Variants in ZNF628 observed in about 807,000 individuals in gnomAD.
The protein encoded by ZNF628 is zinc finger protein Zec.
A neutral mutation model predicts 2.5 loss-of-function variants in ZNF628; 3 were observed. The ratio of observed to expected loss-of-function variants is 1.19; its 90% CI spans 0.54 to 3.07. The LOEUF is 3.07. ZNF628 is among the 30% of genes most tolerant of loss of function. ZNF628 has a pLI of 0.03. For synonymous variants in ZNF628, 861 were observed against 717.1 expected, an observed-to-expected ratio of 1.20 and a Z score of -3.21; for missense variants, 1,610 against 1,517.1, an observed-to-expected ratio of 1.06 and a Z score of -1.02.
At position 55,479,041 on chromosome 19, in the gene ZNF628, A is replaced by G. The variant is rs552027357; in HGVS notation, c.-77-793A>G. Among the ~76,000 whole-genome samples the G allele has an allele frequency of 2.0e-5, 3 of 152,274 alleles. No individual in the cohort carries two copies. In the East Asian group the frequency reaches 5.8e-4, roughly 29 times the overall value. On this transcript the variant is annotated intron_variant, in intron 1 of 2. Transcript: ENST00000598519. This position sits in a 1 kb window ranked among gnomAD's most constrained non-coding sequence, Gnocchi z 5.1. ...GGAGGCCTGGAGTCATTGTTCATAG[A>G]CAGTGGAGTCCTGAGAGTGGGTGGG...
rs759599920 is a variant in ZNF628 at position 55,483,999 on chromosome 19, G to A, written c.2806G>A (p.Val936Met). 1.6e-4 allele frequency: 250 copies of A among 1,586,394 alleles called. 1 individual carries two copies. The highest frequency in any genetic ancestry group is 2.1e-4 in the Non-Finnish European group (245 of 1,165,144). ...TLQTDEGLQS[V>M]LVLSGADGEQ... ...CCAGACGGACGAGGGCTTGCAGAGC[G>A]TGCTGGTGCTGAGCGGGGCCGATGG... Residue 936 changes from valine to methionine, a missense_variant, in exon 3 of 3, where the codon GTG becomes ATG. Coordinates refer to ENST00000598519, the MANE Select transcript of ZNF628 (RefSeq NM_033113.3).
chr19:55,482,891 C>T lies in ZNF628; in HGVS notation c.1698C>T (p.His566=), dbSNP rs779171454. 4 of 1,607,838 alleles carry T rather than the reference C, an allele frequency of 2.5e-6. No homozygotes were observed. The highest frequency in any genetic ancestry group is 1.7e-4 in the Middle Eastern group (1 of 6,052). The change falls in exon 3 of 3, where the codon CAC becomes CAT. Residue 566 remains histidine (H), a synonymous_variant. Transcript: ENST00000598519. ...HRHVHTGERP[H]ACGVCGKSFA... The stretch of plus-strand genomic sequence containing the variant: ...ACGTGCACACTGGCGAGAGGCCCCA[C>T]GCCTGCGGTGTCTGCGGCAAGAGCT...
In ZNF628 at chr19:55,482,063, G is replaced by C; in HGVS notation, c.870G>C (p.Thr290=). ...TCTTTTTGGCGGCGGCGGAGACCAC[G>C]GTGGAGCTGGTGTACCGCTGCGATG... ...PELFLAAAET[T]VELVYRCDGC... Residue 290 remains threonine (T), a synonymous_variant, in exon 3 of 3, where the codon ACG becomes ACC. Transcript: ENST00000598519. The C allele has an allele frequency of 6.8e-7, 1 of 1,471,362 alleles. No homozygotes were observed. Among genetic ancestry groups the C allele is most frequent in the South Asian group, 1.2e-5 (1 of 81,980 alleles). The allele number at this position is 1,471,362 out of a possible 1,614,324, so 91.1% of individuals were successfully genotyped here. A position where few individuals can be genotyped will look rare whatever the true frequency, so the allele number is the denominator to read the frequency against.
Position 55,476,721 on chromosome 19 carries a change from CCG to C in ZNF628, c.-162_-161del, listed in dbSNP as rs1986552476. On this transcript the variant is annotated 5_prime_UTR_variant, in exon 1 of 3. Transcript: ENST00000598519. ...CCCCTCCCCGGTCCCCACAGCTGCACCGCCGCTGCCGGGGCCCCACCTTCCCG... is the reference window on the plus strand; with the variant it reads ...CCCCTCCCCGGTCCCCACAGCTGCACCCGCTGCCGGGGCCCCACCTTCCCG... The C allele has an allele frequency of 6.6e-6, 1 of 151,928 alleles. No homozygotes were observed. The highest frequency in any genetic ancestry group is 6.5e-5 in the Admixed American group (1 of 15,274). The allele number at this position is 151,928 out of a possible 1,614,324, so 9.4% of individuals were successfully genotyped here. A position where few individuals can be genotyped will look rare whatever the true frequency, so the allele number is the denominator to read the frequency against.
At position 55,483,761 on chromosome 19, in the gene ZNF628, C is replaced by T. The variant is rs767381145; in HGVS notation, c.2568C>T (p.Leu856=). The change falls in exon 3 of 3, where the codon CTC becomes CTT. Residue 856 remains leucine, a synonymous_variant. Coordinates refer to ENST00000598519, the MANE Select transcript of ZNF628 (RefSeq NM_033113.3). ...QPAQEVTTVQ[L]QPAQEVTTVQ... ...CACAGGAAGTAACCACGGTCCAGCT[C>T]CAGCCAGCACAGGAGGTGACCACGG... The T allele has an allele frequency of 5.6e-6, 9 of 1,613,466 alleles. No individual in the cohort carries two copies. The East Asian group carries it at 1.8e-4, about 32-fold the overall frequency.
At position 55,481,561 on chromosome 19, in the gene ZNF628, G is replaced by A. The variant is rs1304621371; in HGVS notation, c.368G>A (p.Gly123Asp). ...VHTGLRAFIC[G>D]QCGLAFKWSS... ...ACCGGCCTGCGGGCCTTCATCTGCGGCCAGTGCGGCCTGGCCTTCAAGTGG... is the reference window on the plus strand; with the variant it reads ...ACCGGCCTGCGGGCCTTCATCTGCGACCAGTGCGGCCTGGCCTTCAAGTGG... The change falls in exon 3 of 3, where the codon GGC becomes GAC. Residue 123 changes from glycine to aspartate, a missense_variant. By Grantham distance (94) the Gly-to-Asp change is moderately conservative (BLOSUM62 -1). Around this residue, in one of 5 missense-constraint regions of ZNF628, gnomAD observed 166 missense variants for 241.3 expected, o/e 0.69. Transcript: ENST00000598519. The A allele has an allele frequency of 6.2e-7, 1 of 1,613,074 alleles. No homozygotes were observed. The highest frequency in any genetic ancestry group is 8.5e-7 in the Non-Finnish European group (1 of 1,179,678).
At chr19:55,476,885 G>C (rs926604872) in intron 1 of ZNF628, 78 bp downstream of exon 1, 3 of 145,614 alleles carry the variant, frequency 2.1e-5, no homozygotes, top group African/African-American at 5.0e-5. Flanking sequence ...CGGGGGGGGG[G>C]GCGTGAAACC....
intron 1 of ZNF628, among the ~76,000 whole-genome samples, chr19:55,477,353 G>GTTTT (rs60568698): frequency 1.4e-3 from 206 of 146,760 alleles, no homozygotes; most frequent in East Asian, 8.4e-3. Flanking sequence ...CAGTAGGTTT[G>GTTTT]TTTTTTTTTT....
At chr19:55,480,895 C>T (rs999049506) in intron 2 of ZNF628, among the ~76,000 whole-genome samples, 8 of 152,200 alleles carry the variant, frequency 5.3e-5, no homozygotes, top group Non-Finnish European at 1.2e-4. Context: ...GGAGCAGACT[C>T]CTACAGGCAG....
intron 1 of ZNF628, among the ~76,000 whole-genome samples, chr19:55,477,113 C>T (rs962798978): frequency 6.6e-6 from 1 of 152,202 alleles, no homozygotes; most frequent in African/African-American, 2.4e-5. Context: ...GCAAAAACTC[C>T]TGAGTCCTGG....
At position 55,484,312 on chromosome 19, in the gene ZNF628, G is replaced by A. The variant is rs867775015; in HGVS notation, c.3119G>A (p.Gly1040Asp). ...GGGCCTGGTGTTATGACCCCTCAGG[G>A]CCTGCCCTCCATCCAGATTGTCCAG... ...GAGPGVMTPQ[G>D]LPSIQIVQTL... Residue 1040 changes from glycine (G) to aspartate (D), a missense_variant, in exon 3 of 3, where the codon GGC becomes GAC. Gly to Asp is a moderately conservative substitution (Grantham distance 94). This residue lies in a region of ZNF628 where 712 missense variants were observed against 603.6 expected (regional missense o/e 1.18). Coordinates refer to ENST00000598519, the MANE Select transcript of ZNF628 (RefSeq NM_033113.3). 15 of 1,499,412 alleles carry A rather than the reference G, an allele frequency of 1.0e-5. No individual in the cohort carries two copies. In the African/African-American group the frequency reaches 1.7e-4, roughly 17 times the overall value. The allele number at this position is 1,499,412 out of a possible 1,614,324, so 92.9% of individuals were successfully genotyped here. A position where few individuals can be genotyped will look rare whatever the true frequency, so the allele number is the denominator to read the frequency against.
At chr19:55,477,543 C>G (rs150314398) in intron 1 of ZNF628, among the ~76,000 whole-genome samples, 2,103 of 152,212 alleles carry the variant, frequency 0.014, 43 homozygotes, top group African/African-American at 0.048. Flanking sequence ...GGGCGGATCA[C>G]TTGAGGCCAG....
At position 55,484,180 on chromosome 19, in the gene ZNF628, C is replaced by T. The variant is rs1424921948; in HGVS notation, c.2987C>T (p.Ala996Val). The T allele has an allele frequency of 6.4e-7, 1 of 1,555,538 alleles. No individual in the cohort carries two copies. The highest frequency in any genetic ancestry group is 1.9e-5 in the Admixed American group (1 of 52,622). ...AGCAGCAACACTGGAGGAGGCACCG[C>T]CACGCTGCAGCTCCTGGCCCCACCG... ...LDSSNTGGGTATLQLLAPPPS... is the reference protein window; with the variant it reads ...LDSSNTGGGTVTLQLLAPPPS... Residue 996 changes from alanine to valine, a missense_variant, in exon 3 of 3, where the codon GCC (alanine) becomes GTC (valine). Physicochemically the swap from Ala to Val is moderately conservative, Grantham distance 64. Transcript: ENST00000598519.
chr19:55,483,800 C>G lies in ZNF628; in HGVS notation c.2607C>G (p.Pro869=), dbSNP rs1389219014. ...AQEVTTVQLQ[P]VAGQLSNSSG... ...AGGTGACCACGGTCCAGCTCCAGCCCGTGGCCGGCCAGCTCTCCAATTCCA... is the reference window on the plus strand; with the variant it reads ...AGGTGACCACGGTCCAGCTCCAGCCGGTGGCCGGCCAGCTCTCCAATTCCA... Residue 869 remains proline, a synonymous_variant, in exon 3 of 3, where the codon CCC becomes CCG. Coordinates refer to ENST00000598519, the MANE Select transcript of ZNF628 (RefSeq NM_033113.3). 6.2e-7 allele frequency: 1 copy of G among 1,613,710 alleles called. No individual in the cohort carries two copies. The highest frequency in any genetic ancestry group is 8.5e-7 in the Non-Finnish European group (1 of 1,179,820).
In ZNF628 at chr19:55,482,990, C is replaced by T. The variant is rs1302714935; in HGVS notation, c.1797C>T (p.Cys599=). The T allele has an allele frequency of 6.2e-7, 1 of 1,611,772 alleles. No individual in the cohort carries two copies. The highest frequency in any genetic ancestry group is 8.5e-7 in the Non-Finnish European group (1 of 1,179,456). Residue 599 remains cysteine (C), a synonymous_variant, in exon 3 of 3, where the codon TGC becomes TGT. Transcript: ENST00000598519. The part of the protein sequence containing the change: ...TGERPFRCPL[C]PKTFTHSSNL... ...AGCGGCCCTTCCGCTGCCCGCTCTGCCCCAAGACCTTCACCCACTCCTCCA... is the reference window on the plus strand; with the variant it reads ...AGCGGCCCTTCCGCTGCCCGCTCTGTCCCAAGACCTTCACCCACTCCTCCA...
Position 55,482,481 on chromosome 19 carries a change from C to G in ZNF628, c.1288C>G (p.Gln430Glu), listed in dbSNP as rs1381668066. ...QAEAAEVTCP[Q>E]EPLAPAAPVP... is the part of the protein sequence containing the mutation. Reference sequence around the variant, plus strand: ...TGAGGCTGCGGAGGTGACCTGCCCCCAGGAACCGCTGGCGCCTGCCGCCCC... The same window carrying G: ...TGAGGCTGCGGAGGTGACCTGCCCCGAGGAACCGCTGGCGCCTGCCGCCCC... Residue 430 changes from glutamine (Q) to glutamate (E), a missense_variant, in exon 3 of 3, where the codon CAG becomes GAG. By Grantham distance (29) the Gln-to-Glu change is conservative (BLOSUM62 2). Transcript: ENST00000598519. 6.9e-7 allele frequency: 1 copy of G among 1,439,712 alleles called. No individual in the cohort carries two copies. 89.2% of individuals were successfully genotyped at this position (1,439,712 alleles called of 1,614,324 possible).
intron 1 of ZNF628, 72 bp downstream of exon 1, chr19:55,476,879 G>T (rs1171409783): frequency 6.9e-6 from 1 of 143,950 alleles, no homozygotes; most frequent in East Asian, 2.2e-4. Context: ...GTGGGGCGGG[G>T]GGGGGGGCGT....
In ZNF628 at chr19:55,482,188, C is replaced by A; in HGVS notation, c.995C>A (p.Ala332Glu). ...CAGCCCCAGGAGGCACCCGCCGAGG[C>A]GCCCAAGGCCGACCAGCCACCGTCC... ...APQPQEAPAE[A>E]PKADQPPSPL... Residue 332 changes from alanine to glutamate, a missense_variant, in exon 3 of 3, where the codon GCG (alanine) becomes GAG (glutamate). This residue lies in a region of ZNF628 where 651 missense variants were observed against 575.6 expected (regional missense o/e 1.13). Transcript: ENST00000598519. 1 of 1,490,372 alleles carries A rather than the reference C, an allele frequency of 6.7e-7. No homozygotes were observed. Among genetic ancestry groups the A allele is most frequent in the Middle Eastern group, 2.2e-4 (1 of 4,540 alleles). 92.3% of individuals were successfully genotyped at this position (1,490,372 alleles called of 1,614,324 possible).
At position 55,481,176 on chromosome 19, in the gene ZNF628, C is replaced by T. The variant is rs1205025046; in HGVS notation, c.8-25C>T. 8 of 1,497,690 alleles carry T rather than the reference C, an allele frequency of 5.3e-6. No homozygotes were observed. In the South Asian group the frequency reaches 9.1e-5, roughly 17 times the overall value. The allele number at this position is 1,497,690 out of a possible 1,614,324, so 92.8% of individuals were successfully genotyped here. A position where few individuals can be genotyped will look rare whatever the true frequency, so the allele number is the denominator to read the frequency against. On this transcript the variant is annotated intron_variant, in intron 2 of 2. Transcript: ENST00000598519. ...GAGATGATCCAGTGCGGGGGTGAGCCGCTGACCCAGAATCCCTCCCCCAGG... is the reference window on the plus strand; with the variant it reads ...GAGATGATCCAGTGCGGGGGTGAGCTGCTGACCCAGAATCCCTCCCCCAGG...
Sources: allele counts gnomAD v4.1 joint callset (sites outside exome capture counted in the v4.1 genomes callset), GRCh38; gene constraint gnomAD v4.1.1; regional missense constraint gnomAD v4.1.1; non-coding constraint Gnocchi (gnomAD v3.1); transcripts MANE v1.5; gene names NCBI Gene and HGNC (gene_info 2026-07-23, HGNC 2026-07-21).